The following KCNQ1 variants were observed in gnomAD, a reference collection of about 807,000 sequenced individuals.
The protein encoded by KCNQ1 is potassium voltage-gated channel subfamily Q member 1, also known as potassium voltage-gated channel subfamily KQT member 1.
A neutral mutation model predicts 72.4 loss-of-function variants in KCNQ1; 49 were observed. The ratio of observed to expected loss-of-function variants is 0.68; its 90% CI spans 0.54 to 0.86. The LOEUF is 0.86. Among genes scored for constraint, KCNQ1 ranks in the 40% least tolerant of loss-of-function variants. The pLI is 0.00. For synonymous variants in KCNQ1, 450 were observed against 412.6 expected, an observed-to-expected ratio of 1.09 and a Z score of -1.10; for missense variants, 790 against 945.1, an observed-to-expected ratio of 0.84 and a Z score of 2.15.
At position 2,687,883 on chromosome 11, in the gene KCNQ1, G is replaced by A. The variant is rs577756532; in HGVS notation, c.1514+25802G>A. The A allele has an allele frequency of 1.1e-4, 43 of 398,576 alleles. No homozygotes were observed. Among genetic ancestry groups the A allele is most frequent in the East Asian group, 5.0e-4 (14 of 28,088 alleles). The allele number at this position is 398,576 out of a possible 1,614,324, so 24.7% of individuals were successfully genotyped here. ...TCAAAGGCTGGACTTGGGGTGTCCCGCGGAAATCCTGGTGGGATGGAAAAT... is the reference window on the plus strand; with the variant it reads ...TCAAAGGCTGGACTTGGGGTGTCCCACGGAAATCCTGGTGGGATGGAAAAT... On this transcript the variant is annotated intron_variant, in intron 11 of 15. Coordinates refer to ENST00000155840, the MANE Select transcript of KCNQ1 (RefSeq NM_000218.3). This position sits in a 1 kb window ranked among gnomAD's most constrained non-coding sequence, Gnocchi z 5.0.
rs1851001296 is a variant in KCNQ1, at chr11:2,711,327, C to T, written c.1514+49246C>T. Among the ~76,000 whole-genome samples, 1 of 152,214 alleles carries T rather than the reference C, an allele frequency of 6.6e-6. No homozygotes were observed. The highest frequency in any genetic ancestry group is 6.5e-5 in the Admixed American group (1 of 15,286). On this transcript the variant is annotated intron_variant, in intron 11 of 15. Coordinates refer to ENST00000155840, the MANE Select transcript of KCNQ1 (RefSeq NM_000218.3). This position sits in a 1 kb window ranked among gnomAD's most constrained non-coding sequence, Gnocchi z 5.4. ...CAGGGCTCATGGCCCCTTTCAGGCC[C>T]TTGGCTTCTGGTAATGCTTCTTTGT...
chr11:2,648,073 C>T (rs1849694325), intron 10 of KCNQ1: 4 of 393,082 alleles, frequency 1.0e-5, no homozygotes, highest in Non-Finnish European at 8.9e-6. Flanking sequence ...AAAAAATTAG[C>T]GAGGTGTGGT....
chr11:2,531,196 C>T (rs1237318371), intron 2 of KCNQ1, among the ~76,000 whole-genome samples: 1 of 141,200 alleles, frequency 7.1e-6, no homozygotes, highest in Non-Finnish European at 1.5e-5. Context: ...ACATGCCCGT[C>T]TGCAGCTCGA....
chr11:2,801,308 A>G (rs1320142459), intron 15 of KCNQ1, among the ~76,000 whole-genome samples: 1 of 152,176 alleles, frequency 6.6e-6, no homozygotes, highest in Non-Finnish European at 1.5e-5. Flanking sequence ...GCGGGCACTC[A>G]CCTGCCCTTG....
At chr11:2,596,829 TAAGC>T (rs1475515290) in intron 10 of KCNQ1, among the ~76,000 whole-genome samples, 1 of 151,870 alleles carries the variant, frequency 6.6e-6, no homozygotes, top group Non-Finnish European at 1.5e-5. Flanking sequence ...ACTTTAAACA[TAAGC>T]AAGTTATGTC....
chr11:2,709,894 C>T (rs1261346456), intron 11 of KCNQ1, among the ~76,000 whole-genome samples: 2 of 152,144 alleles, frequency 1.3e-5, no homozygotes. Flanking sequence ...ATTCATTGAA[C>T]ACTTGGGCCA....
rs1848821272 is a variant in KCNQ1 at position 2,602,424 on chromosome 11, A to T, written c.1393+13570A>T. On this transcript the variant is annotated intron_variant, in intron 10 of 15. Transcript: ENST00000155840. This position sits in a 1 kb window ranked among gnomAD's most constrained non-coding sequence, Gnocchi z 4.8. ...GAACATAAGTTTTTATTTCTTTGGG[A>T]TAAAAGCCCAAGCTTGTAATTGCTG... Among the ~76,000 whole-genome samples the T allele has an allele frequency of 2.0e-5, 3 of 152,230 alleles. No individual in the cohort carries two copies. Among genetic ancestry groups the T allele is most frequent in the South Asian group, 2.1e-4 (1 of 4,830 alleles).
chr11:2,462,252 G>A lies in KCNQ1; in HGVS notation c.386+16768G>A, dbSNP rs184942395. Among the ~76,000 whole-genome samples, 16 of 152,306 alleles carry A rather than the reference G, an allele frequency of 1.1e-4. No homozygotes were observed. The highest frequency in any genetic ancestry group is 3.8e-4 in the African/African-American group (16 of 41,566). On this transcript the variant is annotated intron_variant, in intron 1 of 15. Transcript: ENST00000155840. This position sits in a 1 kb window ranked among gnomAD's most constrained non-coding sequence, Gnocchi z 8.2. ...GTTCTTGGGGCTGCCAGGCCTGCAA[G>A]GTAGACAGGCCTCTGGACTTGAGTG...
chr11:2,574,555 G>C (rs866366767), intron 6 of KCNQ1, among the ~76,000 whole-genome samples: 2 of 152,330 alleles, frequency 1.3e-5, no homozygotes, highest in East Asian at 3.9e-4. Flanking sequence ...AGAAAGGACC[G>C]GACTTGCTGG....
rs933253650 is a variant in KCNQ1, at chr11:2,463,910, C to G, written c.386+18426C>G. On this transcript the variant is annotated intron_variant, in intron 1 of 15. Coordinates refer to ENST00000155840, the MANE Select transcript of KCNQ1 (RefSeq NM_000218.3). The surrounding 1 kb of genome is among the most constrained non-coding windows in gnomAD (Gnocchi z 7.0). ...TGATGGATCAGGGGGAAGGTTCTCC[C>G]CACGGTGTGAGGCAGCACCGAGGGC... Among the ~76,000 whole-genome samples the G allele has an allele frequency of 6.6e-6, 1 of 152,204 alleles. No homozygotes were observed. Among genetic ancestry groups the G allele is most frequent in the Non-Finnish European group, 1.5e-5 (1 of 68,026 alleles).
intron 1 of KCNQ1, among the ~76,000 whole-genome samples, chr11:2,456,799 C>T (rs367955226): frequency 0.011 from 1,480 of 136,976 alleles, 35 homozygotes; most frequent in African/African-American, 0.035. Flanking sequence ...ATTAGCCGGG[C>T]GTGGGGGTGG....
rs1382078747 is a variant in KCNQ1 at position 2,663,985 on chromosome 11, C to G, written c.1514+1904C>G. 1.8e-5 allele frequency: 7 copies of G among 398,626 alleles called. No homozygotes were observed. The highest frequency in any genetic ancestry group is 3.1e-5 in the Non-Finnish European group (7 of 226,138). The allele number at this position is 398,626 out of a possible 1,614,324, so 24.7% of individuals were successfully genotyped here. On this transcript the variant is annotated intron_variant, in intron 11 of 15. Coordinates refer to ENST00000155840, the MANE Select transcript of KCNQ1 (RefSeq NM_000218.3). This position sits in a 1 kb window ranked among gnomAD's most constrained non-coding sequence, Gnocchi z 5.2. ...ACCTGAACATCCATCCCCAAGCTCT[C>G]TGCCCACTTTGGGTCTGGCACATTA...
Position 2,781,687 on chromosome 11 carries a change from G to A in KCNQ1, c.1794+3650G>A, listed in dbSNP as rs975084022. On this transcript the variant is annotated intron_variant, in intron 15 of 15. Coordinates refer to ENST00000155840, the MANE Select transcript of KCNQ1 (RefSeq NM_000218.3). This position sits in a 1 kb window ranked among gnomAD's most constrained non-coding sequence, Gnocchi z 6.6. ...CTCCAGGACCTGCCACACTGTTTACGTTGGGCCCTGTTTATTTTGCAAGCT... is the reference window on the plus strand; with the variant it reads ...CTCCAGGACCTGCCACACTGTTTACATTGGGCCCTGTTTATTTTGCAAGCT... Among the ~76,000 whole-genome samples, 2 of 152,200 alleles carry A rather than the reference G, an allele frequency of 1.3e-5. No homozygotes were observed. The highest frequency in any genetic ancestry group is 2.4e-5 in the African/African-American group (1 of 41,442).
chr11:2,724,819 C>T lies in KCNQ1; in HGVS notation c.1515-44025C>T, dbSNP rs1210255385. ...TCACTGGGCTGAAGCTTCTGGCCAT[C>T]GTATGGAGCTGGAACAAGGCACTGG... On this transcript the variant is annotated intron_variant, in intron 11 of 15. Transcript: ENST00000155840. The surrounding 1 kb of genome is among the most constrained non-coding windows in gnomAD (Gnocchi z 6.8). Among the ~76,000 whole-genome samples, 2 of 152,124 alleles carry T rather than the reference C, an allele frequency of 1.3e-5. No homozygotes were observed. The highest frequency in any genetic ancestry group is 1.9e-4 in the East Asian group (1 of 5,166).
chr11:2,664,209 C>T lies in KCNQ1; in HGVS notation c.1514+2128C>T. The T allele has an allele frequency of 2.5e-6, 1 of 398,666 alleles. No homozygotes were observed. Among genetic ancestry groups the T allele is most frequent in the Non-Finnish European group, 4.4e-6 (1 of 226,216 alleles). The allele number at this position is 398,666 out of a possible 1,614,324, so 24.7% of individuals were successfully genotyped here. On this transcript the variant is annotated intron_variant, in intron 11 of 15. Transcript: ENST00000155840. The surrounding 1 kb of genome is among the most constrained non-coding windows in gnomAD (Gnocchi z 5.1). ...CAGCCTGGGAAGGCAGGAAGGAGCCCAGGCATGGGGCTTGGGGTGAGGGAT... is the reference window on the plus strand; with the variant it reads ...CAGCCTGGGAAGGCAGGAAGGAGCCTAGGCATGGGGCTTGGGGTGAGGGAT...
Position 2,837,924 on chromosome 11 carries a change from T to C in KCNQ1, c.1795-9843T>C, listed in dbSNP as rs187023561. On this transcript the variant is annotated intron_variant, in intron 15 of 15. Coordinates refer to ENST00000155840, the MANE Select transcript of KCNQ1 (RefSeq NM_000218.3). Reference sequence around the variant, plus strand: ...GCCTCAAAGGTTCTCGCCCAGCAAGTGGACATTGTGGTGTGGGAGATCAGC... The same window carrying C: ...GCCTCAAAGGTTCTCGCCCAGCAAGCGGACATTGTGGTGTGGGAGATCAGC... Among the ~76,000 whole-genome samples, 4 of 152,204 alleles carry C rather than the reference T, an allele frequency of 2.6e-5. No homozygotes were observed. The East Asian group carries it at 7.7e-4, about 29-fold the overall frequency.
rs1382719064 is a variant in KCNQ1 at position 2,682,806 on chromosome 11, G to A, written c.1514+20725G>A. Reference sequence around the variant, plus strand: ...TGGGCACCATGAAATGCAGTGACTTGCAGTGATCCTCCTGGGGCCTTGTAT... The same window carrying A: ...TGGGCACCATGAAATGCAGTGACTTACAGTGATCCTCCTGGGGCCTTGTAT... On this transcript the variant is annotated intron_variant, in intron 11 of 15. Transcript: ENST00000155840. The surrounding 1 kb of genome is among the most constrained non-coding windows in gnomAD (Gnocchi z 5.8). The A allele has an allele frequency of 7.5e-6, 3 of 398,526 alleles. No homozygotes were observed. In the East Asian group the frequency reaches 1.1e-4, roughly 14 times the overall value. The allele number at this position is 398,526 out of a possible 1,614,324, so 24.7% of individuals were successfully genotyped here.
chr11:2,519,780 C>G (rs1564804529), intron 1 of KCNQ1, among the ~76,000 whole-genome samples: 2 of 102,090 alleles, frequency 2.0e-5, no homozygotes, highest in East Asian at 4.7e-4. Flanking sequence ...TTGGCCCCCC[C>G]CCACAACATT....
intron 1 of KCNQ1, among the ~76,000 whole-genome samples, chr11:2,504,098 A>G (rs1847061066): frequency 6.6e-6 from 1 of 152,230 alleles, no homozygotes. Flanking sequence ...CAACAGATGA[A>G]TGGATAAAGA....
Sources: allele counts gnomAD v4.1 joint callset (sites outside exome capture counted in the v4.1 genomes callset), GRCh38; gene constraint gnomAD v4.1.1; non-coding constraint Gnocchi (gnomAD v3.1); transcripts MANE v1.5; gene names NCBI Gene and HGNC (gene_info 2026-07-23, HGNC 2026-07-21).